The following DNAAF9 variants were observed in gnomAD, a reference collection of about 807,000 sequenced individuals.
The protein encoded by DNAAF9 is dynein axonemal assembly factor 9.
DNAAF9 carries 90 observed loss-of-function variants against 167.0 expected under a neutral mutation model. That is an observed-to-expected ratio of 0.54 (90% CI 0.45 to 0.64). DNAAF9 has a LOEUF of 0.64. Among genes scored for constraint, DNAAF9 ranks in the 30% least tolerant of loss-of-function variants. DNAAF9 has a pLI of 0.00. For missense variants in DNAAF9, 1,315 were observed against 1,442.2 expected (o/e 0.91, Z 1.43); for synonymous variants, 491 against 508.8 (o/e 0.96, Z 0.47).
At chr20:3,288,449 T>A (rs991507499) in intron 26 of DNAAF9, among the ~76,000 whole-genome samples, 1 of 152,044 alleles carries the variant, frequency 6.6e-6, no homozygotes, top group African/African-American at 2.4e-5. Context: ...AAACTCCATC[T>A]CAAAAATAAA....
At position 3,343,831 on chromosome 20, in the gene DNAAF9, A is replaced by G. The variant is rs957746387; in HGVS notation, c.790-100T>C. On this transcript the variant is annotated intron_variant, in intron 8 of 36. Transcript: ENST00000252032. The stretch of plus-strand genomic sequence containing the variant: ...TGTATGTACACACATGCTTCAGGAG[A>G]GTGCACAGCGTGTGTGTGTGTGTGT... 12 of 853,012 alleles carry G rather than the reference A, an allele frequency of 1.4e-5. No homozygotes were observed. In the African/African-American group the frequency reaches 1.6e-4, roughly 11 times the overall value. 52.8% of individuals were successfully genotyped at this position (853,012 alleles called of 1,614,324 possible).
chr20:3,269,291 C>T (rs539145503), intron 30 of DNAAF9, among the ~76,000 whole-genome samples: 1 of 151,508 alleles, frequency 6.6e-6, no homozygotes, highest in African/African-American at 2.4e-5. Context: ...CTCAGTATAA[C>T]CCTAAACTCC....
intron 30 of DNAAF9, among the ~76,000 whole-genome samples, chr20:3,264,949 C>G (rs1349896900): frequency 6.6e-6 from 1 of 152,034 alleles, no homozygotes; most frequent in East Asian, 1.9e-4. Context: ...TTCTGCCAAA[C>G]CAAATGAAAA....
chr20:3,356,164 T>G (rs541621766), intron 7 of DNAAF9, among the ~76,000 whole-genome samples: 1 of 152,178 alleles, frequency 6.6e-6, no homozygotes, highest in African/African-American at 2.4e-5. Context: ...ATTACAGGCA[T>G]GTGCCACAAT....
intron 3 of DNAAF9, among the ~76,000 whole-genome samples, chr20:3,377,300 T>C (rs1295769644): frequency 4.6e-5 from 7 of 152,236 alleles, no homozygotes; most frequent in East Asian, 3.8e-4. Flanking sequence ...CTACAGAATG[T>C]AGATTTCTCT....
chr20:3,256,908 T>C (rs2068290906), intron 33 of DNAAF9, among the ~76,000 whole-genome samples: 1 of 152,170 alleles, frequency 6.6e-6, no homozygotes, highest in African/African-American at 2.4e-5. Context: ...GGTATGTTCC[T>C]GTAGTCCCAG....
At chr20:3,405,262 T>C (rs2084040008) in intron 1 of DNAAF9, among the ~76,000 whole-genome samples, 1 of 152,176 alleles carries the variant, frequency 6.6e-6, no homozygotes, top group African/African-American at 2.4e-5. Flanking sequence ...CCATTCTCCA[T>C]CTGTGAAAAT....
chr20:3,297,381 GAC>G (rs904838043), intron 22 of DNAAF9, among the ~76,000 whole-genome samples: 1 of 152,184 alleles, frequency 6.6e-6, no homozygotes, highest in African/African-American at 2.4e-5. Context: ...AAAGGTGGAA[GAC>G]ACAGACTGGG....
intron 1 of DNAAF9, among the ~76,000 whole-genome samples, chr20:3,405,839 C>G (rs2084047050): frequency 6.6e-6 from 1 of 152,184 alleles, no homozygotes; most frequent in Non-Finnish European, 1.5e-5. Flanking sequence ...CAAGTCCACA[C>G]AGAGCCTAGA....
At chr20:3,309,006 T>C (rs1028418605) in intron 20 of DNAAF9, among the ~76,000 whole-genome samples, 9 of 152,198 alleles carry the variant, frequency 5.9e-5, no homozygotes, top group African/African-American at 2.2e-4. Context: ...ATAACATCAC[T>C]TTTGGGGTTA....
chr20:3,395,525 C>A (rs1416706065), intron 1 of DNAAF9, among the ~76,000 whole-genome samples: 2 of 152,156 alleles, frequency 1.3e-5, no homozygotes, highest in African/African-American at 4.8e-5. Context: ...AAGCAATCCA[C>A]CGCCTTGGCC....
chr20:3,325,238 G>A (rs1026064204), intron 13 of DNAAF9, among the ~76,000 whole-genome samples: 4 of 152,228 alleles, frequency 2.6e-5, no homozygotes, highest in Non-Finnish European at 5.9e-5. Flanking sequence ...GCTGGATCCA[G>A]AGAAGTGACC....
chr20:3,347,474 C>A (rs941971270), intron 8 of DNAAF9, among the ~76,000 whole-genome samples: 1 of 152,068 alleles, frequency 6.6e-6, no homozygotes, highest in Non-Finnish European at 1.5e-5. Flanking sequence ...CCAGAGAGAG[C>A]AACAACATGG....
chr20:3,274,476 G>A (rs547498527), intron 29 of DNAAF9, among the ~76,000 whole-genome samples: 1 of 152,274 alleles, frequency 6.6e-6, no homozygotes, highest in East Asian at 1.9e-4. Context: ...TCCTCTATGG[G>A]AAAAGCTACC....
chr20:3,273,386 G>C (rs1255746568), intron 29 of DNAAF9, among the ~76,000 whole-genome samples: 1 of 152,106 alleles, frequency 6.6e-6, no homozygotes. Flanking sequence ...AATACCTGAG[G>C]CTGACTAATT....
At chr20:3,344,196 A>G (rs915641412) in intron 8 of DNAAF9, among the ~76,000 whole-genome samples, 1 of 152,124 alleles carries the variant, frequency 6.6e-6, no homozygotes, top group African/African-American at 2.4e-5. Flanking sequence ...GTGCTAATCC[A>G]AGGAATTTCG....
intron 1 of DNAAF9, among the ~76,000 whole-genome samples, chr20:3,388,530 A>G (rs1011599392): frequency 3.9e-5 from 6 of 152,212 alleles, no homozygotes; most frequent in Non-Finnish European, 8.8e-5. Context: ...TAGAAGCACT[A>G]TTTGCAACAG....
At position 3,316,412 on chromosome 20, in the gene DNAAF9, G is replaced by A. The variant is rs76160621; in HGVS notation, c.1539+311C>T. 4.8e-3 allele frequency among the ~76,000 whole-genome samples: 738 copies of A among 152,240 alleles called. 2 individuals are homozygous for A. Among genetic ancestry groups the A allele is most frequent in the Middle Eastern group, 6.8e-3 (2 of 294 alleles). On this transcript the variant is annotated intron_variant, in intron 18 of 36. Transcript: ENST00000252032. The stretch of plus-strand genomic sequence containing the variant: ...TCTCATGATTTGTGTGACCTTGGCC[G>A]GGCCGTTCAACTCCTAAGCTCAGTT...
intron 29 of DNAAF9, among the ~76,000 whole-genome samples, chr20:3,276,047 C>T (rs2068670687): frequency 6.6e-6 from 1 of 152,280 alleles, no homozygotes; most frequent in Admixed American, 6.5e-5. Context: ...CCTTTGATTT[C>T]TATAATACAC....
Sources: gnomAD v4.1 joint callset for allele counts (sites outside exome capture counted in the v4.1 genomes callset) on GRCh38, gnomAD v4.1.1 for gene constraint, MANE v1.5 for transcripts, NCBI Gene and HGNC (gene_info 2026-07-23, HGNC 2026-07-21) for gene names.